The following MFSD6 variants were observed in gnomAD, a reference collection of about 807,000 sequenced individuals.
MFSD6 encodes the protein major facilitator superfamily domain-containing protein 6.
Under a neutral mutation model 56.3 loss-of-function variants are expected in MFSD6, and 26 were observed. The observed-to-expected ratio is 0.46, with a 90% CI of 0.34 to 0.64. The LOEUF is 0.64. MFSD6 is among the 30% of genes least tolerant of loss of function. The pLI is 0.01. For missense variants in MFSD6, 750 were observed against 986.2 expected, an observed-to-expected ratio of 0.76 and a Z score of 3.21; for synonymous variants, 331 against 366.9, an observed-to-expected ratio of 0.90 and a Z score of 1.12.
Position 190,470,903 on chromosome 2 carries a change from G to GTATA in MFSD6, c.1630+1059_1630+1062dup, listed in dbSNP as rs148619709. Among the ~76,000 whole-genome samples, 1,661 of 150,974 alleles carry GTATA rather than the reference G, an allele frequency of 0.011. 100 individuals are homozygous for GTATA. The East Asian group carries it at 0.18, about 17-fold the overall frequency. On this transcript the variant is annotated intron_variant, in intron 4 of 7. Coordinates refer to ENST00000392328, the MANE Select transcript of MFSD6 (RefSeq NM_017694.4). The stretch of plus-strand genomic sequence containing the variant: ...TTCACATTATAATTATAAAATTCAA[G>GTATA]TATATATATATATACTTTAAGATGC...
In MFSD6 at chr2:190,437,253, C is replaced by A. The variant is rs147039471; in HGVS notation, c.1224C>A (p.Ile408=). The change falls in exon 3 of 8, where the codon ATC becomes ATA. Residue 408 remains isoleucine (I), a synonymous_variant. Transcript: ENST00000392328. The surrounding 1 kb of genome is among the most constrained non-coding windows in gnomAD (Gnocchi z 5.9). ...NDDSKGKEVE[I]PQVERNNSTE... ...ATTCTAAAGGGAAAGAGGTGGAGAT[C>A]CCGCAGGTGGAAAGGAACAACTCTA... 13 of 1,614,040 alleles carry A rather than the reference C, an allele frequency of 8.1e-6. No individual in the cohort carries two copies. Among genetic ancestry groups the A allele is most frequent in the Non-Finnish European group, 1.1e-5 (13 of 1,180,018 alleles).
chr2:190,429,350 G>C (rs1282427313), intron 2 of MFSD6, among the ~76,000 whole-genome samples: 1 of 150,040 alleles, frequency 6.7e-6, no homozygotes, highest in Non-Finnish European at 1.5e-5. Context: ...TTTTGAGATG[G>C]AGTCTCACTC....
At chr2:190,409,229 A>G (rs1315922260) in intron 1 of MFSD6, among the ~76,000 whole-genome samples, 1 of 151,984 alleles carries the variant, frequency 6.6e-6, no homozygotes, top group African/African-American at 2.4e-5. Context: ...CCATAGAGCA[A>G]TTTTCCTGCA....
At position 190,423,593 on chromosome 2, in the gene MFSD6, TAA is replaced by T. The variant is rs1685701004; in HGVS notation, c.-54+8182_-54+8183del. ...TTGGCTATTATGAAGAAAGCTGCTATAAACATTTATGCATGGGTTTCTGTGTG... is the reference window on the plus strand; with the variant it reads ...TTGGCTATTATGAAGAAAGCTGCTATACATTTATGCATGGGTTTCTGTGTG... On this transcript the variant is annotated intron_variant, in intron 2 of 7. Coordinates refer to ENST00000392328, the MANE Select transcript of MFSD6 (RefSeq NM_017694.4). This position sits in a 1 kb window ranked among gnomAD's most constrained non-coding sequence, Gnocchi z 4.3. Among the ~76,000 whole-genome samples, 1 of 152,252 alleles carries T rather than the reference TAA, an allele frequency of 6.6e-6. No individual in the cohort carries two copies. Among genetic ancestry groups the T allele is most frequent in the Non-Finnish European group, 1.5e-5 (1 of 68,044 alleles).
At position 190,498,071 on chromosome 2, in the gene MFSD6, T is replaced by C. The variant is rs1341035740; in HGVS notation, c.2172+352T>C. On this transcript the variant is annotated intron_variant, in intron 7 of 7. Transcript: ENST00000392328. This position sits in a 1 kb window ranked among gnomAD's most constrained non-coding sequence, Gnocchi z 5.9. ...TTCCAAAATTCTAGTGGGGGCATTA[T>C]ATTATAGGACCACAATAAATATTTG... 1 of 194,428 alleles carries C rather than the reference T, an allele frequency of 5.1e-6. No homozygotes were observed. Among genetic ancestry groups the C allele is most frequent in the Non-Finnish European group, 1.1e-5 (1 of 93,130 alleles). The allele number at this position is 194,428 out of a possible 1,614,324, so 12.0% of individuals were successfully genotyped here.
chr2:190,488,669 C>G lies in MFSD6; in HGVS notation c.1643C>G (p.Ala548Gly). The G allele has an allele frequency of 6.4e-7, 1 of 1,554,826 alleles. No individual in the cohort carries two copies. Among genetic ancestry groups the G allele is most frequent in the Non-Finnish European group, 8.7e-7 (1 of 1,150,566 alleles). Residue 548 changes from alanine to glycine, a missense_variant, in exon 5 of 8, where the codon GCG becomes GGG. By Grantham distance (60) the Ala-to-Gly change is moderately conservative. Around this residue, in one of 5 missense-constraint regions of MFSD6, gnomAD observed 125 missense variants for 223.1 expected, o/e 0.56. Transcript: ENST00000392328. This position sits in a 1 kb window ranked among gnomAD's most constrained non-coding sequence, Gnocchi z 6.4. ...TCTTCCTCTCCAGGAGTGACACACGCGGCCATCTGGGCAGCATGCATTTCT... is the reference window on the plus strand; with the variant it reads ...TCTTCCTCTCCAGGAGTGACACACGGGGCCATCTGGGCAGCATGCATTTCT... ...PMEVLQGVTH[A>G]AIWAACISYL...
intron 3 of MFSD6, among the ~76,000 whole-genome samples, chr2:190,455,441 G>A (rs1686978629): frequency 1.3e-5 from 2 of 152,130 alleles, no homozygotes. Context: ...CCAGCTGGGG[G>A]AGGCTCTGCT....
chr2:190,455,196 G>A lies in MFSD6; in HGVS notation c.1533-14562G>A, dbSNP rs1288588445. ...ATTGGTATCATCAAAATAGAGACTA[G>A]TATCATTGCTATTTTATTGCTATTT... is the stretch of plus-strand genomic sequence containing the variant. On this transcript the variant is annotated intron_variant, in intron 3 of 7. Transcript: ENST00000392328. Among the ~76,000 whole-genome samples the A allele has an allele frequency of 2.0e-5, 3 of 151,924 alleles. No individual in the cohort carries two copies. In the East Asian group the frequency reaches 5.8e-4, roughly 29 times the overall value.
intron 2 of MFSD6, among the ~76,000 whole-genome samples, chr2:190,421,761 A>G (rs1267042858): frequency 1.3e-5 from 2 of 152,050 alleles, no homozygotes; most frequent in Admixed American, 6.5e-5. Flanking sequence ...GGATCTCACT[A>G]TGTTGCCCAG....
At chr2:190,476,576 A>T (rs1488005807) in intron 4 of MFSD6, among the ~76,000 whole-genome samples, 2 of 152,206 alleles carry the variant, frequency 1.3e-5, no homozygotes, top group Non-Finnish European at 2.9e-5. Context: ...GAGGATGTGG[A>T]GAAATAGGAA....
At chr2:190,468,741 G>T (rs1348853978) in intron 3 of MFSD6, among the ~76,000 whole-genome samples, 3 of 151,700 alleles carry the variant, frequency 2.0e-5, no homozygotes, top group Non-Finnish European at 4.4e-5. Context: ...TTACAGGCAT[G>T]AGTCAATACA....
At position 190,466,629 on chromosome 2, in the gene MFSD6, G is replaced by A. The variant is rs565735777; in HGVS notation, c.1533-3129G>A. On this transcript the variant is annotated intron_variant, in intron 3 of 7. Coordinates refer to ENST00000392328, the MANE Select transcript of MFSD6 (RefSeq NM_017694.4). ...CTTATTTTGGGCAAGTCATTGTGTCGTCATTTTCACAACAAACCTACAGAA... is the reference window on the plus strand; with the variant it reads ...CTTATTTTGGGCAAGTCATTGTGTCATCATTTTCACAACAAACCTACAGAA... 1.4e-4 allele frequency among the ~76,000 whole-genome samples: 21 copies of A among 152,252 alleles called. No individual in the cohort carries two copies. In the East Asian group the frequency reaches 2.3e-3, roughly 17 times the overall value.
intron 4 of MFSD6, among the ~76,000 whole-genome samples, chr2:190,475,100 C>G (rs2125170659): frequency 6.6e-6 from 1 of 152,184 alleles, no homozygotes; most frequent in South Asian, 2.1e-4. Flanking sequence ...AAACCCACAG[C>G]CAATATCATA....
Position 190,434,681 on chromosome 2 carries a change from C to G in MFSD6, c.-53-1296C>G, listed in dbSNP as rs1686117987. Among the ~76,000 whole-genome samples, 1 of 152,204 alleles carries G rather than the reference C, an allele frequency of 6.6e-6. No individual in the cohort carries two copies. The highest frequency in any genetic ancestry group is 1.9e-4 in the East Asian group (1 of 5,200). On this transcript the variant is annotated intron_variant, in intron 2 of 7. Transcript: ENST00000392328. This position sits in a 1 kb window ranked among gnomAD's most constrained non-coding sequence, Gnocchi z 4.3. ...TCTCCTGAACTCATGATCCGCCCCC[C>G]TCAGCCTCCCAAAGTGCTGGGATTA...
chr2:190,433,808 T>C lies in MFSD6; in HGVS notation c.-53-2169T>C, dbSNP rs985250981. ...GCTTACAAGTATAATTTTAGAAGGT[T>C]TTTCAGAATGTTATTCATTTTGGGA... is the stretch of plus-strand genomic sequence containing the variant. On this transcript the variant is annotated intron_variant, in intron 2 of 7. Transcript: ENST00000392328. This position sits in a 1 kb window ranked among gnomAD's most constrained non-coding sequence, Gnocchi z 4.5. 1.3e-4 allele frequency among the ~76,000 whole-genome samples: 20 copies of C among 152,158 alleles called. No individual in the cohort carries two copies. The highest frequency in any genetic ancestry group is 4.6e-4 in the African/African-American group (19 of 41,432).
At position 190,469,896 on chromosome 2, in the gene MFSD6, C is replaced by A; in HGVS notation, c.1630+41C>A. On this transcript the variant is annotated intron_variant, in intron 4 of 7. Coordinates refer to ENST00000392328, the MANE Select transcript of MFSD6 (RefSeq NM_017694.4). This position sits in a 1 kb window ranked among gnomAD's most constrained non-coding sequence, Gnocchi z 5.3. ...GGATTGAAATTATTTCTCTGCCTTC[C>A]CTGAGCTGTGGCTAAAAGCCCAGTG... 6.9e-7 allele frequency: 1 copy of A among 1,454,150 alleles called. No homozygotes were observed. The highest frequency in any genetic ancestry group is 9.6e-7 in the Non-Finnish European group (1 of 1,040,966). The allele number at this position is 1,454,150 out of a possible 1,614,324, so 90.1% of individuals were successfully genotyped here.
intron 2 of MFSD6, chr2:190,435,307 A>G (rs1230014989): frequency 1.3e-5 from 2 of 152,270 alleles, no homozygotes; most frequent in African/African-American, 4.8e-5. Context: ...TTTTAATCTT[A>G]TCTGATACAG....
rs115348560 is a variant in MFSD6, at chr2:190,418,025, T to C, written c.-54+2612T>C. ...GTATGTGAGAGAGAGAGAGATGTGG[T>C]TTATCATTGCTTGTCAATGATAAAG... On this transcript the variant is annotated intron_variant, in intron 2 of 7. Transcript: ENST00000392328. This position sits in a 1 kb window ranked among gnomAD's most constrained non-coding sequence, Gnocchi z 4.1. 9.5e-4 allele frequency among the ~76,000 whole-genome samples: 142 copies of C among 149,940 alleles called. No individual in the cohort carries two copies. Among genetic ancestry groups the C allele is most frequent in the Middle Eastern group, 3.4e-3 (1 of 290 alleles).
chr2:190,419,481 T>C (rs1348115710), intron 2 of MFSD6, among the ~76,000 whole-genome samples: 1 of 152,262 alleles, frequency 6.6e-6, no homozygotes, highest in Non-Finnish European at 1.5e-5. Context: ...ATGATGGCCA[T>C]GGCACAAGGA....
Sources: allele counts gnomAD v4.1 joint callset (sites outside exome capture counted in the v4.1 genomes callset), GRCh38; gene constraint gnomAD v4.1.1; regional missense constraint gnomAD v4.1.1; non-coding constraint Gnocchi (gnomAD v3.1); transcripts MANE v1.5; gene names NCBI Gene and HGNC (gene_info 2026-07-23, HGNC 2026-07-21).